DCUN1D1: variants seen among roughly 807,000 people sequenced by gnomAD.
DCUN1D1 encodes DCN1-like protein 1.
In DCUN1D1, 3 loss-of-function variants were observed where a neutral mutation model predicts 39.0. The ratio of observed to expected loss-of-function variants is 0.08; its 90% CI spans 0.04 to 0.20. The LOEUF (loss-of-function observed/expected upper bound fraction) is 0.20, where lower values mean the gene tolerates loss of function less well. DCUN1D1 is among the 10% of genes least tolerant of loss of function. DCUN1D1 has a pLI of 1.00. For missense variants in DCUN1D1, 158 were observed against 302.4 expected (o/e 0.52, Z 3.54); for synonymous variants, 82 against 96.3 (o/e 0.85, Z 0.87).
chr3:182,959,844 C>T (rs1727292104), intron 4 of DCUN1D1, among the ~76,000 whole-genome samples: 1 of 152,178 alleles, frequency 6.6e-6, no homozygotes, highest in Non-Finnish European at 1.5e-5. Context: ...TCATGAATGG[C>T]TTGGTGCTAT....
At chr3:182,950,327 T>A (rs1726646582) in intron 4 of DCUN1D1, among the ~76,000 whole-genome samples, 1 of 152,042 alleles carries the variant, frequency 6.6e-6, no homozygotes, top group East Asian at 1.9e-4. Flanking sequence ...TTTGTATTTT[T>A]AGTAGAGACG....
At chr3:182,949,108 C>G (rs1726572102) in intron 4 of DCUN1D1, among the ~76,000 whole-genome samples, 1 of 150,872 alleles carries the variant, frequency 6.6e-6, no homozygotes, top group Non-Finnish European at 1.5e-5. Flanking sequence ...CGCCTGTAAT[C>G]CTAGCACTTT....
rs1319636425 is a variant in DCUN1D1 at position 182,938,318 on chromosome 3, T to C, written c.*6776A>G. The C allele has an allele frequency of 6.6e-6, 1 of 150,848 alleles. No individual in the cohort carries two copies. Among genetic ancestry groups the C allele is most frequent in the East Asian group, 1.9e-4 (1 of 5,148 alleles). 9.3% of individuals were successfully genotyped at this position (150,848 alleles called of 1,614,324 possible). A position where few individuals can be genotyped will look rare whatever the true frequency, so the allele number is the denominator to read the frequency against. The stretch of plus-strand genomic sequence containing the variant: ...TCCACTGGGTAGGACATTTGAGATG[T>C]ATGCAATGTAGGAATCTTATTTGAA... On this transcript the variant is annotated 3_prime_UTR_variant, in exon 7 of 7. Transcript: ENST00000292782.
chr3:182,954,886 A>G (rs1347006713), intron 4 of DCUN1D1, among the ~76,000 whole-genome samples: 1 of 152,304 alleles, frequency 6.6e-6, no homozygotes, highest in East Asian at 1.9e-4. Context: ...AATCTGGTTT[A>G]GTTTGGTATT....
chr3:182,956,306 AT>A (rs1361860551), intron 4 of DCUN1D1: 1 of 268,788 alleles, frequency 3.7e-6, no homozygotes, highest in Non-Finnish European at 7.6e-6. Context: ...CTGGGAGCTC[AT>A]CACCAAAACC....
intron 1 of DCUN1D1, among the ~76,000 whole-genome samples, chr3:182,978,656 T>G (rs777919429): frequency 6.6e-6 from 1 of 152,200 alleles, no homozygotes; most frequent in South Asian, 2.1e-4. Flanking sequence ...ATTACAGGCA[T>G]GAGCCACCGT....
intron 1 of DCUN1D1, chr3:182,980,087 GA>G (rs1380721421): frequency 1.1e-6 from 1 of 921,144 alleles, no homozygotes; most frequent in African/African-American, 1.8e-5. Flanking sequence ...CGGAACCCCA[GA>G]CCCCAGTCCC....
In DCUN1D1 at chr3:182,938,759, C is replaced by T. The variant is rs1022442457; in HGVS notation, c.*6335G>A. On this transcript the variant is annotated 3_prime_UTR_variant, in exon 7 of 7. Transcript: ENST00000292782. ...CTAAATTTTTATAAATTCCAAGAGTCGTTAATTCTCAGCTATCTCAAAAGT... is the reference window on the plus strand; with the variant it reads ...CTAAATTTTTATAAATTCCAAGAGTTGTTAATTCTCAGCTATCTCAAAAGT... 1 of 152,146 alleles carries T rather than the reference C, an allele frequency of 6.6e-6. No individual in the cohort carries two copies. Among genetic ancestry groups the T allele is most frequent in the South Asian group, 2.1e-4 (1 of 4,834 alleles). The allele number at this position is 152,146 out of a possible 1,614,324, so 9.4% of individuals were successfully genotyped here.
At position 182,941,786 on chromosome 3, in the gene DCUN1D1, A is replaced by G. The variant is rs1165528947; in HGVS notation, c.*3308T>C. The stretch of plus-strand genomic sequence containing the variant: ...TTTACAAAGGCATACTTTGTGAACC[A>G]TGGTGAATTTCCCCAGCACCACTTT... On this transcript the variant is annotated 3_prime_UTR_variant, in exon 7 of 7. Transcript: ENST00000292782. 8 of 152,138 alleles carry G rather than the reference A, an allele frequency of 5.3e-5. No homozygotes were observed. Among genetic ancestry groups the G allele is most frequent in the Non-Finnish European group, 1.0e-4 (7 of 67,960 alleles). The allele number at this position is 152,138 out of a possible 1,614,324, so 9.4% of individuals were successfully genotyped here. A position where few individuals can be genotyped will look rare whatever the true frequency, so the allele number is the denominator to read the frequency against.
chr3:182,968,812 C>T (rs1430866780), intron 1 of DCUN1D1, among the ~76,000 whole-genome samples: 2 of 152,266 alleles, frequency 1.3e-5, no homozygotes, highest in Non-Finnish European at 2.9e-5. Context: ...GTTGCCTAGG[C>T]TGGTCTTGAA....
chr3:182,949,451 G>A (rs1361025684), intron 4 of DCUN1D1, among the ~76,000 whole-genome samples: 5 of 152,128 alleles, frequency 3.3e-5, no homozygotes, highest in Admixed American at 1.3e-4. Context: ...TGCATGCAGT[G>A]GCTCATGCCT....
intron 6 of DCUN1D1, 125 bp from the exon 7 acceptor site, chr3:182,945,298 T>C (rs1726336671): frequency 1.5e-6 from 1 of 679,206 alleles, no homozygotes; most frequent in African/African-American, 1.9e-5. Flanking sequence ...TTCTTATCTA[T>C]TCCCACTGAT....
intron 1 of DCUN1D1, among the ~76,000 whole-genome samples, chr3:182,968,184 C>T (rs1249797281): frequency 6.6e-6 from 1 of 152,150 alleles, no homozygotes; most frequent in Non-Finnish European, 1.5e-5. Context: ...GCTGGGACTA[C>T]AGGAGTGAGC....
chr3:182,975,046 T>C (rs1180548355), intron 1 of DCUN1D1, among the ~76,000 whole-genome samples: 1 of 152,174 alleles, frequency 6.6e-6, no homozygotes, highest in Non-Finnish European at 1.5e-5. Context: ...AACTTAATAC[T>C]GAAATTTAAA....
chr3:182,961,427 G>A (rs1330029179), intron 3 of DCUN1D1, 71 bp from the exon 4 acceptor site: 2 of 1,308,590 alleles, frequency 1.5e-6, no homozygotes, highest in Non-Finnish European at 2.1e-6. Context: ...TTATTCCCAT[G>A]AGGGCTTACA....
chr3:182,939,340 C>T lies in DCUN1D1; in HGVS notation c.*5754G>A, dbSNP rs939273924. 78 of 152,104 alleles carry T rather than the reference C, an allele frequency of 5.1e-4. 1 individual carries two copies. The highest frequency in any genetic ancestry group is 1.2e-4 in the Non-Finnish European group (8 of 68,022). 9.4% of individuals were successfully genotyped at this position (152,104 alleles called of 1,614,324 possible). ...CGTTAGGTATAAATTTACCACACAA[C>T]CTGACAATTCCACAACTAGGAATCT... On this transcript the variant is annotated 3_prime_UTR_variant, in exon 7 of 7. Coordinates refer to ENST00000292782, the MANE Select transcript of DCUN1D1 (RefSeq NM_020640.4).
chr3:182,942,263 C>T lies in DCUN1D1; in HGVS notation c.*2831G>A, dbSNP rs1362643979. 1 of 152,026 alleles carries T rather than the reference C, an allele frequency of 6.6e-6. No individual in the cohort carries two copies. The highest frequency in any genetic ancestry group is 1.5e-5 in the Non-Finnish European group (1 of 68,006). The allele number at this position is 152,026 out of a possible 1,614,324, so 9.4% of individuals were successfully genotyped here. On this transcript the variant is annotated 3_prime_UTR_variant, in exon 7 of 7. Coordinates refer to ENST00000292782, the MANE Select transcript of DCUN1D1 (RefSeq NM_020640.4). ...CATGTCTTTTCTCCCCAAAACATGC[C>T]ATTACAATGCTCTTTCCATGAATAA...
chr3:182,941,854 C>G lies in DCUN1D1; in HGVS notation c.*3240G>C, dbSNP rs1263965732. The stretch of plus-strand genomic sequence containing the variant: ...TCGATTAGGTTTAACTTTCTCCTGT[C>G]ATTCATATGTGAAAATTACAGAAGG... On this transcript the variant is annotated 3_prime_UTR_variant, in exon 7 of 7. Transcript: ENST00000292782. The G allele has an allele frequency of 6.6e-6, 1 of 152,052 alleles. No individual in the cohort carries two copies. The highest frequency in any genetic ancestry group is 1.5e-5 in the Non-Finnish European group (1 of 67,954). 9.4% of individuals were successfully genotyped at this position (152,052 alleles called of 1,614,324 possible). A position where few individuals can be genotyped will look rare whatever the true frequency, so the allele number is the denominator to read the frequency against.
chr3:182,955,220 T>G (rs1433804612), intron 4 of DCUN1D1, among the ~76,000 whole-genome samples: 3 of 152,128 alleles, frequency 2.0e-5, no homozygotes, highest in Non-Finnish European at 2.9e-5. Flanking sequence ...TAAACTGACT[T>G]TTAATACAGT....
Sources: allele counts gnomAD v4.1 joint callset (sites outside exome capture counted in the v4.1 genomes callset), GRCh38; gene constraint gnomAD v4.1.1; transcripts MANE v1.5; gene names NCBI Gene and HGNC (gene_info 2026-07-23, HGNC 2026-07-21).